The following CENPP variants were observed in gnomAD, a reference collection of about 807,000 sequenced individuals.
CENPP encodes the protein centromere protein P.
Under a neutral mutation model 35.6 loss-of-function variants are expected in CENPP, and 24 were observed. The ratio of observed to expected loss-of-function variants is 0.67; its 90% CI spans 0.49 to 0.95. The LOEUF is 0.95. CENPP is among the 40% of genes least tolerant of loss of function. The pLI is 0.00. For missense variants in CENPP, 332 were observed against 345.3 expected (o/e 0.96, Z 0.31); for synonymous variants, 120 against 125.5 (o/e 0.96, Z 0.29).
At chr9:92,410,348 G>A (rs193217972) in intron 5 of CENPP, among the ~76,000 whole-genome samples, 2 of 152,154 alleles carry the variant, frequency 1.3e-5, no homozygotes, top group South Asian at 2.1e-4. Flanking sequence ...GCTAGAGGAC[G>A]TGGGATGCAT....
intron 5 of CENPP, chr9:92,417,304 A>G (rs764488941): frequency 1.5e-5 from 24 of 1,613,966 alleles, no homozygotes; most frequent in African/African-American, 4.0e-5. Flanking sequence ...TATTTGGGAT[A>G]GTCTTGAGTT....
chr9:92,346,996 C>G (rs1841311408), intron 4 of CENPP, among the ~76,000 whole-genome samples: 1 of 148,206 alleles, frequency 6.7e-6, no homozygotes, highest in South Asian at 2.1e-4. Context: ...GAGAAAGAGG[C>G]AGCACAGTAG....
At chr9:92,495,255 G>A in intron 5 of CENPP, 1 of 738,556 alleles carries the variant, frequency 1.4e-6, no homozygotes, top group Non-Finnish European at 1.7e-6. Context: ...AACAAAAGAA[G>A]TCAACATAGT....
At chr9:92,540,367 G>A (rs531619624) in intron 5 of CENPP, among the ~76,000 whole-genome samples, 2 of 151,736 alleles carry the variant, frequency 1.3e-5, no homozygotes, top group Admixed American at 6.6e-5. Context: ...GAACCCAGGC[G>A]GCAAAGGTCG....
At position 92,377,466 on chromosome 9, in the gene CENPP, A is replaced by C. The variant is rs145148511; in HGVS notation, c.468-2297A>C. Among the ~76,000 whole-genome samples the C allele has an allele frequency of 9.8e-3, 1,492 of 152,322 alleles. 10 individuals are homozygous for C. Among genetic ancestry groups the C allele is most frequent in the Non-Finnish European group, 0.016 (1,107 of 68,020 alleles). On this transcript the variant is annotated intron_variant, in intron 4 of 7. Transcript: ENST00000375587. ...TAGGTTCTCAGGCTAGTAAAGTAGC[A>C]TGCTATCTTTAAGACTGCTACTGTG...
chr9:92,355,826 A>G (rs1247825415), intron 4 of CENPP, among the ~76,000 whole-genome samples: 3 of 152,238 alleles, frequency 2.0e-5, no homozygotes, highest in Non-Finnish European at 4.4e-5. Flanking sequence ...CAACCTGAGC[A>G]AACATAAGTT....
intron 5 of CENPP, among the ~76,000 whole-genome samples, chr9:92,540,933 T>C (rs1228621030): frequency 1.3e-5 from 2 of 151,190 alleles, no homozygotes; most frequent in African/African-American, 4.9e-5. Flanking sequence ...GAGAAAAGAT[T>C]TAGAAAGCCA....
Position 92,460,463 on chromosome 9 carries a change from G to A in CENPP, c.564+80604G>A, listed in dbSNP as rs187314779. 1.4e-3 allele frequency: 2,180 copies of A among 1,545,238 alleles called. 1 individual carries two copies. Among genetic ancestry groups the A allele is most frequent in the Non-Finnish European group, 1.8e-3 (2,020 of 1,120,288 alleles). On this transcript the variant is annotated intron_variant, in intron 5 of 7. Coordinates refer to ENST00000375587, the MANE Select transcript of CENPP (RefSeq NM_001012267.3). ...GGTATCATTCTAAGTTAAAATTTTGGGAACGTTTACCTTTGTAGTTCTTTG... is the reference window on the plus strand; with the variant it reads ...GGTATCATTCTAAGTTAAAATTTTGAGAACGTTTACCTTTGTAGTTCTTTG...
chr9:92,407,677 ACT>A (rs1276322705), intron 5 of CENPP, among the ~76,000 whole-genome samples: 1 of 151,738 alleles, frequency 6.6e-6, no homozygotes, highest in Non-Finnish European at 1.5e-5. Flanking sequence ...CACGATCATG[ACT>A]CTCTGCAGCC....
intron 5 of CENPP, among the ~76,000 whole-genome samples, chr9:92,496,661 C>T (rs749312827): frequency 4.6e-5 from 7 of 152,184 alleles, no homozygotes; most frequent in Non-Finnish European, 8.8e-5. Context: ...CATAGAAGCA[C>T]TAGAACAGAC....
At position 92,443,593 on chromosome 9, in the gene CENPP, A is replaced by T. The variant is rs1237966079; in HGVS notation, c.564+63734A>T. Among the ~76,000 whole-genome samples, 4 of 152,166 alleles carry T rather than the reference A, an allele frequency of 2.6e-5. No individual in the cohort carries two copies. In the East Asian group the frequency reaches 7.7e-4, roughly 29 times the overall value. Reference sequence around the variant, plus strand: ...ATTCTGAAATTAATATGGAAATGCAAAGGACCTAGAATAACCAAGACAATC... The same window carrying T: ...ATTCTGAAATTAATATGGAAATGCATAGGACCTAGAATAACCAAGACAATC... On this transcript the variant is annotated intron_variant, in intron 5 of 7. Transcript: ENST00000375587.
At chr9:92,352,129 G>A (rs1316023394) in intron 4 of CENPP, among the ~76,000 whole-genome samples, 3 of 150,142 alleles carry the variant, frequency 2.0e-5, no homozygotes, top group African/African-American at 7.4e-5. Flanking sequence ...CAGCATGTTG[G>A]GAGGCCAAGG....
intron 5 of CENPP, among the ~76,000 whole-genome samples, chr9:92,579,344 A>T (rs1306145127): frequency 1.3e-5 from 2 of 148,298 alleles, no homozygotes; most frequent in African/African-American, 4.9e-5. Context: ...GAAGAAAGTC[A>T]TTGGTAGCTT....
chr9:92,369,224 A>T (rs1841955306), intron 4 of CENPP, among the ~76,000 whole-genome samples: 1 of 152,220 alleles, frequency 6.6e-6, no homozygotes. Flanking sequence ...GTCAAGAGAC[A>T]AATAGGAGAG....
At chr9:92,560,149 G>T (rs1032224070) in intron 5 of CENPP, among the ~76,000 whole-genome samples, 2 of 152,086 alleles carry the variant, frequency 1.3e-5, no homozygotes, top group Non-Finnish European at 2.9e-5. Flanking sequence ...GTCTCTAAAA[G>T]AAATGAAACA....
At chr9:92,610,969 T>C (rs9886781) in intron 5 of CENPP, 222,767 of 357,140 alleles carry the variant, frequency 0.62, 72,441 homozygotes, top group African/African-American at 0.89. Flanking sequence ...ACCAGTCCTC[T>C]CCAGACCGTC....
chr9:92,498,558 ATAATAT>A (rs1846492116), intron 5 of CENPP, among the ~76,000 whole-genome samples: 1 of 152,150 alleles, frequency 6.6e-6, no homozygotes, highest in Non-Finnish European at 1.5e-5. Context: ...ACAGTCAAAA[ATAATAT>A]TAATTCAAAA....
chr9:92,539,619 A>G (rs1849270724), intron 5 of CENPP, among the ~76,000 whole-genome samples: 1 of 152,046 alleles, frequency 6.6e-6, no homozygotes, highest in Admixed American at 6.6e-5. Context: ...AAGCAGGGTT[A>G]GTGGCTAGAT....
chr9:92,381,368 T>C (rs1842239276), intron 5 of CENPP, among the ~76,000 whole-genome samples: 1 of 151,892 alleles, frequency 6.6e-6, no homozygotes, highest in East Asian at 1.9e-4. Context: ...ATGGCAGCTT[T>C]GACTGTCCCT....
Sources: allele counts gnomAD v4.1 joint callset (sites outside exome capture counted in the v4.1 genomes callset), GRCh38; gene constraint gnomAD v4.1.1; transcripts MANE v1.5; gene names NCBI Gene and HGNC (gene_info 2026-07-23, HGNC 2026-07-21).